Variants in ATPSCKMT observed in about 807,000 individuals in gnomAD.
ATPSCKMT encodes the protein ATP synthase c subunit lysine N-methyltransferase, also known as ATP synthase subunit C lysine N-methyltransferase.
In ATPSCKMT, 24 loss-of-function variants were observed where a neutral mutation model predicts 24.3. The observed-to-expected ratio is 0.99, with a 90% CI of 0.71 to 1.39. ATPSCKMT has a LOEUF of 1.39. Ranked by LOEUF, ATPSCKMT falls within the 40% of genes most tolerant of loss-of-function variation. The pLI, the probability that ATPSCKMT is intolerant of heterozygous loss-of-function variation, is 0.00. For missense variants in ATPSCKMT, 311 were observed against 298.4 expected (o/e 1.04, Z -0.31); for synonymous variants, 95 against 110.5 (o/e 0.86, Z 0.88).
At chr5:10,227,742 G>A (rs2174993) in intron 4 of ATPSCKMT, 95 bp from the exon 5 acceptor site, 1 of 1,149,132 alleles carries the variant, frequency 8.7e-7, no homozygotes, top group Non-Finnish European at 1.3e-6. Context: ...AAATACCTGA[G>A]CAAAAATTAC....
intron 1 of ATPSCKMT, among the ~76,000 whole-genome samples, chr5:10,247,304 C>A (rs577961883): frequency 6.6e-6 from 1 of 152,132 alleles, no homozygotes; most frequent in African/African-American, 2.4e-5. Context: ...ATAGGATGTA[C>A]AATATAGGAA....
chr5:10,248,739 A>G (rs897926244), intron 1 of ATPSCKMT, among the ~76,000 whole-genome samples: 16 of 152,384 alleles, frequency 1.0e-4, no homozygotes, highest in African/African-American at 3.4e-4. Context: ...GTTATAGTGC[A>G]TGTATTCATT....
intron 4 of ATPSCKMT, among the ~76,000 whole-genome samples, chr5:10,230,514 AACTG>A (rs1481147425): frequency 6.6e-6 from 1 of 152,244 alleles, no homozygotes; most frequent in Non-Finnish European, 1.5e-5. Flanking sequence ...ATAAGAAATT[AACTG>A]ACTAAATTAC....
In ATPSCKMT at chr5:10,225,692, C is replaced by T. The variant is rs188437868; in HGVS notation, c.*1749G>A. Among the ~76,000 whole-genome samples, 1 of 152,132 alleles carries T rather than the reference C, an allele frequency of 6.6e-6. No individual in the cohort carries two copies. Among genetic ancestry groups the T allele is most frequent in the Non-Finnish European group, 1.5e-5 (1 of 68,022 alleles). Reference sequence around the variant, plus strand: ...AAGACCTGCCCCCATAATTCAATCACCTCCCACCAGGTCCTTCCCACAACA... The same window carrying T: ...AAGACCTGCCCCCATAATTCAATCATCTCCCACCAGGTCCTTCCCACAACA... On this transcript the variant is annotated 3_prime_UTR_variant, in exon 5 of 5. Coordinates refer to ENST00000511437, the MANE Select transcript of ATPSCKMT (RefSeq NM_199133.4).
At chr5:10,249,660 A>C in intron 1 of ATPSCKMT, 198 bp downstream of exon 1, 1 of 835,704 alleles carries the variant, frequency 1.2e-6, no homozygotes, top group South Asian at 2.2e-5. Context: ...GCGCCCGCCG[A>C]CAAGGATCGC....
At chr5:10,247,433 C>T (rs545285500) in intron 1 of ATPSCKMT, among the ~76,000 whole-genome samples, 1 of 152,224 alleles carries the variant, frequency 6.6e-6, no homozygotes, top group Non-Finnish European at 1.5e-5. Context: ...CTTGACCTCT[C>T]AGGCTCAAAC....
intron 4 of ATPSCKMT, 86 bp from the exon 5 acceptor site, chr5:10,227,733 A>G: frequency 4.0e-6 from 5 of 1,257,346 alleles, no homozygotes; most frequent in Non-Finnish European, 3.4e-6. Context: ...AGTCCCTGAA[A>G]ATACCTGAGC....
chr5:10,235,146 T>C (rs774962767), intron 4 of ATPSCKMT, 65 bp downstream of exon 4: 2 of 1,474,942 alleles, frequency 1.4e-6, no homozygotes, highest in East Asian at 2.3e-5. Flanking sequence ...AGTGGTGGTG[T>C]TGTGGCTGGA....
chr5:10,242,783 A>C (rs964662795), intron 1 of ATPSCKMT, among the ~76,000 whole-genome samples: 21 of 152,214 alleles, frequency 1.4e-4, no homozygotes, highest in Admixed American at 1.4e-3. Context: ...TGGGCTACAA[A>C]ATGAATGCTG....
chr5:10,247,497 C>T (rs1001715542), intron 1 of ATPSCKMT, among the ~76,000 whole-genome samples: 4 of 152,170 alleles, frequency 2.6e-5, no homozygotes, highest in Admixed American at 6.5e-5. Flanking sequence ...CATGCCACCA[C>T]ACCCAGCTAA....
intron 2 of ATPSCKMT, among the ~76,000 whole-genome samples, chr5:10,238,284 TA>T (rs530952433): frequency 0.037 from 5,417 of 146,778 alleles, 143 homozygotes; most frequent in African/African-American, 0.074. Context: ...ATTTTATAAG[TA>T]AAAAAAAAAA....
Position 10,249,870 on chromosome 5 carries a change from C to A in ATPSCKMT, c.4G>T (p.Glu2Ter). The A allele has an allele frequency of 6.5e-7, 1 of 1,548,816 alleles. No individual in the cohort carries two copies. The highest frequency in any genetic ancestry group is 8.7e-7 in the Non-Finnish European group (1 of 1,153,148). Reference sequence around the variant, plus strand: ...GCTCCAGCCTCACCTCCTCCTCCCTCCATCGCGAGATTTCCAACAGCGTTT... The same window carrying A: ...GCTCCAGCCTCACCTCCTCCTCCCTACATCGCGAGATTTCCAACAGCGTTT... M[E>*]GGGGIPLETL... is the part of the protein sequence containing the mutation. Residue 2 changes from glutamate (E) to a stop codon, truncating the protein, a stop_gained, in exon 1 of 5, where the codon GAG becomes TAG. Coordinates refer to ENST00000511437, the MANE Select transcript of ATPSCKMT (RefSeq NM_199133.4). LOFTEE classifies it high-confidence loss of function.
intron 1 of ATPSCKMT, among the ~76,000 whole-genome samples, chr5:10,245,001 A>AT (rs1744834416): frequency 6.6e-6 from 1 of 152,154 alleles, no homozygotes; most frequent in Admixed American, 6.5e-5. Context: ...GTTGTACAGT[A>AT]CAGCAGTTAA....
At chr5:10,233,073 T>A (rs1317036052) in intron 4 of ATPSCKMT, among the ~76,000 whole-genome samples, 1 of 152,160 alleles carries the variant, frequency 6.6e-6, no homozygotes, top group Non-Finnish European at 1.5e-5. Flanking sequence ...GGATCATCAG[T>A]CTGGTATCAG....
At chr5:10,244,736 AC>A (rs956307231) in intron 1 of ATPSCKMT, among the ~76,000 whole-genome samples, 2 of 151,848 alleles carry the variant, frequency 1.3e-5, no homozygotes, top group African/African-American at 4.8e-5. Context: ...ACATAGCAAG[AC>A]CCCATCTCTA....
At chr5:10,230,078 T>C (rs1744055692) in intron 4 of ATPSCKMT, among the ~76,000 whole-genome samples, 9 of 152,216 alleles carry the variant, frequency 5.9e-5, no homozygotes, top group Admixed American at 5.2e-4. Flanking sequence ...CAAGATGAAA[T>C]TGATAGGGCT....
intron 4 of ATPSCKMT, among the ~76,000 whole-genome samples, chr5:10,234,516 C>A (rs1744289409): frequency 6.6e-6 from 1 of 151,924 alleles, no homozygotes; most frequent in Non-Finnish European, 1.5e-5. Context: ...AAAATTAAAA[C>A]CCTATCAGCT....
Position 10,237,070 on chromosome 5 carries a change from A to G in ATPSCKMT, c.307-455T>C, listed in dbSNP as rs922919063. Reference sequence around the variant, plus strand: ...CAATGAAAAATCTGCAATTAGTTACATATTTCCTTTGTAGTTAATGACTGT... The same window carrying G: ...CAATGAAAAATCTGCAATTAGTTACGTATTTCCTTTGTAGTTAATGACTGT... On this transcript the variant is annotated intron_variant, in intron 2 of 4. Coordinates refer to ENST00000511437, the MANE Select transcript of ATPSCKMT (RefSeq NM_199133.4). 27 of 1,240,890 alleles carry G rather than the reference A, an allele frequency of 2.2e-5. No individual in the cohort carries two copies. The African/African-American group carries it at 2.9e-4, about 13-fold the overall frequency. 76.9% of individuals were successfully genotyped at this position (1,240,890 alleles called of 1,614,324 possible). A position where few individuals can be genotyped will look rare whatever the true frequency, so the allele number is the denominator to read the frequency against.
chr5:10,227,791 A>T, intron 4 of ATPSCKMT, 144 bp from the exon 5 acceptor site: 1 of 679,614 alleles, frequency 1.5e-6, no homozygotes, highest in Non-Finnish European at 2.6e-6. Context: ...CAAACACATA[A>T]ACAAACAATC....
Sources: gnomAD v4.1 joint callset for allele counts (sites outside exome capture counted in the v4.1 genomes callset) on GRCh38, gnomAD v4.1.1 for gene constraint, MANE v1.5 for transcripts, NCBI Gene and HGNC (gene_info 2026-07-23, HGNC 2026-07-21) for gene names.